The following STARD13 variants were observed in gnomAD, a reference collection of about 807,000 sequenced individuals.
The protein encoded by STARD13 is StAR related lipid transfer domain containing 13.
Under a neutral mutation model 106.4 loss-of-function variants are expected in STARD13, and 62 were observed. The observed-to-expected ratio is 0.58, with a 90% confidence interval of 0.48 to 0.72. STARD13 has a LOEUF of 0.72. Ranked by LOEUF, STARD13 falls within the 30% of genes least tolerant of loss-of-function variation. STARD13 has a pLI of 0.00. For synonymous variants in STARD13, 565 were observed against 553.0 expected (o/e 1.02, Z -0.31); for missense variants, 1,387 against 1,424.0 (o/e 0.97, Z 0.42).
At chr13:33,658,861 T>C in the STARD13 span, among the ~76,000 whole-genome samples, 1 of 152,142 alleles carries the variant, frequency 6.6e-6, no homozygotes, top group African/African-American at 2.4e-5. Flanking sequence ...GGAGAGGTGC[T>C]AGAGGTTAAC....
chr13:33,352,579 A>G (rs570263213), upstream of STARD13, among the ~76,000 whole-genome samples: 31 of 152,206 alleles, frequency 2.0e-4, no homozygotes, highest in African/African-American at 7.2e-4. Context: ...GGAATTGCAC[A>G]TTTGTTTAGT....
upstream of STARD13, among the ~76,000 whole-genome samples, chr13:33,288,940 C>A (rs1046941073): frequency 2.6e-5 from 4 of 152,018 alleles, no homozygotes; most frequent in Admixed American, 6.5e-5. Flanking sequence ...TAAATAAATT[C>A]TTTTTTGTGA....
intron 1 of STARD13, among the ~76,000 whole-genome samples, chr13:33,205,178 G>A (rs1457801880): frequency 2.6e-5 from 4 of 152,200 alleles, no homozygotes; most frequent in Non-Finnish European, 5.9e-5. Context: ...AAACGAAGCC[G>A]TTGAAAAATG....
At chr13:33,648,535 G>A in the STARD13 span, among the ~76,000 whole-genome samples, 1 of 152,142 alleles carries the variant, frequency 6.6e-6, no homozygotes, top group Non-Finnish European at 1.5e-5. Context: ...GTATGGAAAG[G>A]ATTCCCATGT....
chr13:33,621,582 A>C, the STARD13 span, among the ~76,000 whole-genome samples: 2 of 147,610 alleles, frequency 1.4e-5, no homozygotes, highest in Non-Finnish European at 3.0e-5. Context: ...CGGGAGGCTG[A>C]GGCAGAAGAA....
chr13:33,316,841 C>T (rs1371481829), intron 1 of STARD13, among the ~76,000 whole-genome samples: 2 of 152,210 alleles, frequency 1.3e-5, no homozygotes, highest in Admixed American at 6.5e-5. Flanking sequence ...CCCCACCACT[C>T]CTGTGCAACC....
intron 2 of STARD13, among the ~76,000 whole-genome samples, chr13:33,166,615 A>G (rs1423773071): frequency 6.6e-6 from 1 of 152,190 alleles, no homozygotes; most frequent in Admixed American, 6.5e-5. Flanking sequence ...TCATTACTAG[A>G]TAAGGACAAT....
At chr13:33,228,048 A>G (rs1316488049) in intron 1 of STARD13, among the ~76,000 whole-genome samples, 1 of 152,234 alleles carries the variant, frequency 6.6e-6, no homozygotes, top group Admixed American at 6.5e-5. Flanking sequence ...GCAAATAAAA[A>G]AGAACATTTG....
intron 1 of STARD13, among the ~76,000 whole-genome samples, chr13:33,189,553 C>T (rs1020248169): frequency 1.3e-5 from 2 of 151,812 alleles, no homozygotes; most frequent in African/African-American, 4.8e-5. Flanking sequence ...AGGAGTACTT[C>T]TGGACACTTC....
chr13:33,120,915 T>G (rs1876186069), intron 7 of STARD13, among the ~76,000 whole-genome samples: 1 of 152,140 alleles, frequency 6.6e-6, no homozygotes, highest in African/African-American at 2.4e-5. Flanking sequence ...ACTTTTTACA[T>G]TTTTTAGTAG....
chr13:33,349,874 C>T (rs2078055557), intron 1 of STARD13, among the ~76,000 whole-genome samples: 1 of 152,228 alleles, frequency 6.6e-6, no homozygotes, highest in Non-Finnish European at 1.5e-5. Flanking sequence ...TGGATGTGTC[C>T]CACGTGGAGA....
At chr13:33,525,097 C>A in the STARD13 span, among the ~76,000 whole-genome samples, 1 of 152,126 alleles carries the variant, frequency 6.6e-6, no homozygotes. Context: ...TCATAGCTCA[C>A]TGAAGCCTTA....
At chr13:33,131,257 A>G (rs941963057) in intron 4 of STARD13, among the ~76,000 whole-genome samples, 8 of 152,108 alleles carry the variant, frequency 5.3e-5, no homozygotes, top group Non-Finnish European at 1.0e-4. Context: ...ACCAAGACCT[A>G]ATTCTGAACT....
the STARD13 span, among the ~76,000 whole-genome samples, chr13:33,651,179 T>C: frequency 2.6e-5 from 4 of 152,210 alleles, no homozygotes; most frequent in Non-Finnish European, 4.4e-5. Context: ...AAACATAATA[T>C]TTTAGATCTG....
the STARD13 span, among the ~76,000 whole-genome samples, chr13:33,598,480 A>G: frequency 1.3e-5 from 2 of 152,138 alleles, no homozygotes; most frequent in African/African-American, 4.8e-5. Context: ...TATTACAGTT[A>G]TTTGTTTATG....
intron 1 of STARD13, among the ~76,000 whole-genome samples, chr13:33,227,831 G>A (rs17078802): frequency 0.13 from 19,149 of 152,014 alleles, 1,908 homozygotes; most frequent in African/African-American, 0.28. Context: ...CTAGATGCCA[G>A]GAGCTGTGTC....
the STARD13 span, among the ~76,000 whole-genome samples, chr13:33,619,019 T>A: frequency 2.0e-5 from 3 of 151,958 alleles, no homozygotes; most frequent in Non-Finnish European, 4.4e-5. Context: ...AAGTGATTGC[T>A]TCAGGGCTGA....
intron 1 of STARD13, among the ~76,000 whole-genome samples, chr13:33,236,015 T>C (rs1179125499): frequency 6.6e-6 from 1 of 152,158 alleles, no homozygotes; most frequent in African/African-American, 2.4e-5. Flanking sequence ...TTTACATAAA[T>C]ACATAATGCA....
the STARD13 span, among the ~76,000 whole-genome samples, chr13:33,634,768 A>G: frequency 6.6e-6 from 1 of 152,166 alleles, no homozygotes; most frequent in Non-Finnish European, 1.5e-5. Flanking sequence ...GCTTGGTTGA[A>G]TTACCCCACT....
Sources: gnomAD v4.1 joint callset for allele counts (sites outside exome capture counted in the v4.1 genomes callset) on GRCh38, gnomAD v4.1.1 for gene constraint, MANE v1.5 for transcripts, NCBI Gene and HGNC (gene_info 2026-07-23, HGNC 2026-07-21) for gene names.